The following PADI6 variants were observed in gnomAD, a reference collection of about 807,000 sequenced individuals.
PADI6 encodes peptidyl arginine deiminase 6.
A neutral mutation model predicts 78.2 loss-of-function variants in PADI6; 66 were observed. The observed-to-expected ratio is 0.84, with a 90% CI of 0.69 to 1.04. PADI6 has a LOEUF of 1.04. Ranked by LOEUF, PADI6 falls within the 50% of genes least tolerant of loss-of-function variation. PADI6 has a pLI of 0.00. For missense variants in PADI6, 854 were observed against 866.1 expected, an observed-to-expected ratio of 0.99 and a Z score of 0.18; for synonymous variants, 397 against 346.9, an observed-to-expected ratio of 1.14 and a Z score of -1.60.
rs746005187 is a variant in PADI6, at chr1:17,372,376, G to A, written c.116+15G>A. On this transcript the variant is annotated intron_variant, in intron 1 of 15. Transcript: ENST00000619609. ...GATCTCAGCGGGTGAGATGCTGGGA[G>A]CTCTGCCAGAGGTGGCAGGCAGACA... 6 of 1,612,102 alleles carry A rather than the reference G, an allele frequency of 3.7e-6. No homozygotes were observed. The highest frequency in any genetic ancestry group is 1.3e-5 in the African/African-American group (1 of 74,890).
In PADI6 at chr1:17,393,959, T is replaced by G; in HGVS notation, c.1075-16T>G. Reference sequence around the variant, plus strand: ...ATGTGTGACTGGCAAACAATCTGTCTTCCTCTCCATTCCAGGATGAGATGG... The same window carrying G: ...ATGTGTGACTGGCAAACAATCTGTCGTCCTCTCCATTCCAGGATGAGATGG... On this transcript the variant is annotated splice_polypyrimidine_tract_variant and intron_variant, in intron 9 of 15. Coordinates refer to ENST00000619609, the MANE Select transcript of PADI6 (RefSeq NM_207421.4). 6.2e-7 allele frequency: 1 copy of G among 1,607,334 alleles called. No individual in the cohort carries two copies. The highest frequency in any genetic ancestry group is 8.5e-7 in the Non-Finnish European group (1 of 1,173,870).
intron 9 of PADI6, among the ~76,000 whole-genome samples, chr1:17,393,094 C>T (rs1435914863): frequency 6.6e-6 from 1 of 152,092 alleles, no homozygotes; most frequent in Non-Finnish European, 1.5e-5. Context: ...TGCAGTGCAC[C>T]TAGATCACGC....
At position 17,382,081 on chromosome 1, in the gene PADI6, A is replaced by G; in HGVS notation, c.668A>G (p.Tyr223Cys). ...SKEESKKARV[Y>C]WPQKDNSSTF... is the part of the protein sequence containing the mutation. ...GAAGAGTCGAAGAAGGCGAGAGTCT[A>G]CTGGCCCCAAAGTGAGTGTTCTTGT... Residue 223 changes from tyrosine (Y) to cysteine (C), a missense_variant, in exon 6 of 16, where the codon TAC (tyrosine) becomes TGC (cysteine). Coordinates refer to ENST00000619609, the MANE Select transcript of PADI6 (RefSeq NM_207421.4). The G allele has an allele frequency of 6.2e-7, 1 of 1,613,872 alleles. No homozygotes were observed. The highest frequency in any genetic ancestry group is 8.5e-7 in the Non-Finnish European group (1 of 1,179,804).
In PADI6 at chr1:17,374,753, T is replaced by C. The variant is rs889257246; in HGVS notation, c.295-674T>C. 3.3e-5 allele frequency among the ~76,000 whole-genome samples: 5 copies of C among 152,324 alleles called. 1 individual carries two copies. Among genetic ancestry groups the C allele is most frequent in the South Asian group, 2.1e-4 (1 of 4,830 alleles). On this transcript the variant is annotated intron_variant, in intron 2 of 15. Transcript: ENST00000619609. Reference sequence around the variant, plus strand: ...CCTCAGGAGTGGCCAACAAAGAACCTTGAACTTAGAGGACTAAAGCTTCTA... The same window carrying C: ...CCTCAGGAGTGGCCAACAAAGAACCCTGAACTTAGAGGACTAAAGCTTCTA...
At chr1:17,378,685 A>G (rs912758471) in intron 3 of PADI6, among the ~76,000 whole-genome samples, 6 of 151,504 alleles carry the variant, frequency 4.0e-5, no homozygotes, top group Non-Finnish European at 7.4e-5. Context: ...GCTCACTGCA[A>G]TCTCCACCTC....
chr1:17,398,863 G>A lies in PADI6; in HGVS notation c.1851+16G>A, dbSNP rs759087169. On this transcript the variant is annotated intron_variant, in intron 15 of 15. Transcript: ENST00000619609. The stretch of plus-strand genomic sequence containing the variant: ...CCCTGACCTGGTGAGGGGCGACTGC[G>A]CATCCCTGGGTGGGGGAGGGCCTGT... 3.1e-6 allele frequency: 5 copies of A among 1,610,878 alleles called. No individual in the cohort carries two copies. In the South Asian group the frequency reaches 4.4e-5, roughly 14 times the overall value.
chr1:17,386,946 C>T (rs1366470798), intron 6 of PADI6, among the ~76,000 whole-genome samples: 1 of 152,190 alleles, frequency 6.6e-6, no homozygotes, highest in Non-Finnish European at 1.5e-5. Flanking sequence ...TCTGAGGATG[C>T]TACAGTTCCT....
chr1:17,373,092 T>C lies in PADI6; in HGVS notation c.153T>C (p.His51=), dbSNP rs906313454. The part of the protein sequence containing the change: ...APQKCQCFTI[H]GSGRVLIDVA... Reference sequence around the variant, plus strand: ...AGAAGTGCCAGTGCTTCACCATCCATGGCTCTGGGAGGGTCTTGATCGATG... The same window carrying C: ...AGAAGTGCCAGTGCTTCACCATCCACGGCTCTGGGAGGGTCTTGATCGATG... Residue 51 remains histidine, a synonymous_variant, in exon 2 of 16, where the codon CAT becomes CAC. Coordinates refer to ENST00000619609, the MANE Select transcript of PADI6 (RefSeq NM_207421.4). 6.8e-6 allele frequency: 11 copies of C among 1,613,882 alleles called. No individual in the cohort carries two copies. The African/African-American group carries it at 1.3e-4, about 20-fold the overall frequency.
intron 8 of PADI6, 107 bp downstream of exon 8, chr1:17,388,987 G>C: frequency 1.2e-6 from 1 of 829,934 alleles, no homozygotes; most frequent in South Asian, 1.7e-5. Context: ...CTCTCACCAG[G>C]AGAGTTGAAA....
intron 6 of PADI6, among the ~76,000 whole-genome samples, chr1:17,382,496 G>T (rs1031817519): frequency 6.6e-6 from 1 of 152,176 alleles, no homozygotes; most frequent in Non-Finnish European, 1.5e-5. Flanking sequence ...TAAATTTCCA[G>T]AAATCTGAGG....
chr1:17,380,064 T>C, intron 4 of PADI6, 77 bp downstream of exon 4: 3 of 1,440,640 alleles, frequency 2.1e-6, no homozygotes, highest in South Asian at 1.2e-5. Flanking sequence ...TGATCTGACC[T>C]TCCTCGTGTC....
rs2075220154 is a variant in PADI6, at chr1:17,394,085, G to A, written c.1182+3G>A. 2 of 1,612,472 alleles carry A rather than the reference G, an allele frequency of 1.2e-6. No homozygotes were observed. Among genetic ancestry groups the A allele is most frequent in the African/African-American group, 1.3e-5 (1 of 74,888 alleles). ...AGTTCCCCATGAAGTACTCACTGGT[G>A]TGGAACTTGGTTTGGCTAATCTGAG... On this transcript the variant is annotated splice_donor_region_variant and intron_variant, in intron 10 of 15. Transcript: ENST00000619609.
intron 14 of PADI6, 78 bp from the exon 15 acceptor site, chr1:17,398,607 TG>T: frequency 1.1e-6 from 1 of 885,462 alleles, no homozygotes; most frequent in Non-Finnish European, 1.7e-6. Flanking sequence ...ACCTTCAGTA[TG>T]GAAGGAAACT....
At position 17,398,654 on chromosome 1, in the gene PADI6, G is replaced by GCCCCCCCCCCCCCCC; in HGVS notation, c.1690-21_1690-20insCCCCCCCCCCCCCCC. The GCCCCCCCCCCCCCCC allele has an allele frequency of 1.2e-4, 21 of 173,472 alleles. 2 individuals carry two copies. Among genetic ancestry groups the GCCCCCCCCCCCCCCC allele is most frequent in the South Asian group, 3.5e-4 (7 of 19,736 alleles). 10.7% of individuals were successfully genotyped at this position (173,472 alleles called of 1,614,324 possible). On this transcript the variant is annotated intron_variant, in intron 14 of 15. Transcript: ENST00000619609. ...CCTGATGAGCTCTCCTTGCTCCCCC[G>GCCCCCCCCCCCCCCC]CCCCCCCCCCCACCCACCCACCCAC...
chr1:17,398,720 C>G lies in PADI6; in HGVS notation c.1724C>G (p.Thr575Arg), dbSNP rs376027901. The G allele has an allele frequency of 6.7e-6, 10 of 1,490,154 alleles. No homozygotes were observed. Among genetic ancestry groups the G allele is most frequent in the Non-Finnish European group, 9.0e-6 (10 of 1,105,614 alleles). The allele number at this position is 1,490,154 out of a possible 1,614,324, so 92.3% of individuals were successfully genotyped here. Residue 575 changes from threonine to arginine, a missense_variant, in exon 15 of 16, where the codon ACG becomes AGG. Thr to Arg is a moderately conservative substitution (Grantham distance 71). Transcript: ENST00000619609. ...CIHLNRDILK[T>R]ELGLVEQDII... ...CACCTGAACCGTGACATCCTGAAGACGGAGCTGGGCCTGGTGGAACAGGAC... is the reference window on the plus strand; with the variant it reads ...CACCTGAACCGTGACATCCTGAAGAGGGAGCTGGGCCTGGTGGAACAGGAC...
intron 8 of PADI6, among the ~76,000 whole-genome samples, chr1:17,390,673 C>G (rs2075173219): frequency 6.6e-6 from 1 of 151,736 alleles, no homozygotes; most frequent in African/African-American, 2.4e-5. Context: ...TTTTCCAGGG[C>G]AGGGCTCCTG....
chr1:17,395,716 G>A, intron 13 of PADI6, 53 bp downstream of exon 13: 1 of 1,562,836 alleles, frequency 6.4e-7, no homozygotes, highest in African/African-American at 1.4e-5. Flanking sequence ...TTTTTCCAGG[G>A]GTCCTTTCTA....
chr1:17,388,529 T>C lies in PADI6; in HGVS notation c.828T>C (p.Ser276=). 1 of 1,612,984 alleles carries C rather than the reference T, an allele frequency of 6.2e-7. No individual in the cohort carries two copies. Among genetic ancestry groups the C allele is most frequent in the Admixed American group, 1.7e-5 (1 of 59,974 alleles). ...AATTCTCAGGCCTCATCTCCTACTC[T>C]GTGTCCCTGGTGGAGGAGTCTCAAG... ...SAEFSGLISY[S]VSLVEESQDP... is the part of the protein sequence containing the mutation. Residue 276 remains serine, a synonymous_variant, in exon 7 of 16, where the codon TCT becomes TCC. Coordinates refer to ENST00000619609, the MANE Select transcript of PADI6 (RefSeq NM_207421.4).
In PADI6 at chr1:17,381,092, G is replaced by T; in HGVS notation, c.481G>T (p.Val161Leu). 2 of 1,609,616 alleles carry T rather than the reference G, an allele frequency of 1.2e-6. No homozygotes were observed. Among genetic ancestry groups the T allele is most frequent in the Non-Finnish European group, 1.7e-6 (2 of 1,178,176 alleles). The change falls in exon 5 of 16, where the codon GTG becomes TTG. Residue 161 changes from valine to leucine, a missense_variant. Val to Leu is a conservative substitution (Grantham distance 32). Transcript: ENST00000619609. The stretch of plus-strand genomic sequence containing the variant: ...CAGCGGTTGGGGTGCCATCCTGCTT[G>T]TGAATTGCAACCCTGCTGATGTGGG... ...GPSGWGAILL[V>L]NCNPADVGQQ...
Sources: gnomAD v4.1 joint callset for allele counts (sites outside exome capture counted in the v4.1 genomes callset) on GRCh38, gnomAD v4.1.1 for gene constraint, MANE v1.5 for transcripts, NCBI Gene and HGNC (gene_info 2026-07-23, HGNC 2026-07-21) for gene names.